Variants in ADAMTS18 observed in about 807,000 individuals in gnomAD.
The protein encoded by ADAMTS18 is A disintegrin and metalloproteinase with thrombospondin motifs 18.
Under a neutral mutation model 165.9 loss-of-function variants are expected in ADAMTS18, and 157 were observed. The ratio of observed to expected loss-of-function variants is 0.95; its 90% CI spans 0.83 to 1.08. The LOEUF is 1.08. Among genes scored for constraint, ADAMTS18 ranks in the 50% least tolerant of loss-of-function variants. The probability of loss-of-function intolerance (pLI) is 0.00; values close to 1 mark genes in which losing one functional copy is unlikely to be tolerated. For synonymous variants in ADAMTS18, 782 were observed against 578.2 expected, an observed-to-expected ratio of 1.35 and a Z score of -5.06; for missense variants, 2,040 against 1,534.0, an observed-to-expected ratio of 1.33 and a Z score of -5.51.
chr16:77,403,074 T>C (rs1000127293), intron 3 of ADAMTS18, among the ~76,000 whole-genome samples: 5 of 152,214 alleles, frequency 3.3e-5, no homozygotes, highest in African/African-American at 1.2e-4. Flanking sequence ...CATTTGTACT[T>C]GTGTTAATGC....
chr16:77,434,742 G>C lies in ADAMTS18; in HGVS notation c.-47C>G. The C allele has an allele frequency of 1.5e-6, 2 of 1,367,320 alleles. No individual in the cohort carries two copies. Among genetic ancestry groups the C allele is most frequent in the Non-Finnish European group, 1.9e-6 (2 of 1,056,244 alleles). The allele number at this position is 1,367,320 out of a possible 1,614,324, so 84.7% of individuals were successfully genotyped here. On this transcript the variant is annotated 5_prime_UTR_variant, in exon 1 of 23. Transcript: ENST00000282849. ...CTGCGGGTGGCCAGACGCGGCAGGC[G>C]GAGCGCACGGGCGGCGCGCATTCTT...
At chr16:77,380,562 A>G (rs909213155) in intron 3 of ADAMTS18, among the ~76,000 whole-genome samples, 4 of 152,228 alleles carry the variant, frequency 2.6e-5, no homozygotes, top group African/African-American at 9.6e-5. Flanking sequence ...TAATAGCAAA[A>G]TGGTTGATAT....
At chr16:77,376,637 A>G (rs2056957439) in intron 3 of ADAMTS18, among the ~76,000 whole-genome samples, 1 of 152,210 alleles carries the variant, frequency 6.6e-6, no homozygotes, top group Admixed American at 6.5e-5. Flanking sequence ...GAAGATACAG[A>G]AATTCCATTA....
chr16:77,433,358 G>T (rs1597270689), intron 2 of ADAMTS18: 1 of 152,284 alleles, frequency 6.6e-6, no homozygotes, highest in East Asian at 1.9e-4. Context: ...CCTGCTACCA[G>T]CTTGTTTCCA....
rs75484735 is a variant in ADAMTS18 at position 77,365,504 on chromosome 16, C to A, written c.779-1123G>T. Among the ~76,000 whole-genome samples, 909 of 152,308 alleles carry A rather than the reference C, an allele frequency of 6.0e-3. 17 individuals carry two copies. Among genetic ancestry groups the A allele is most frequent in the African/African-American group, 0.021 (872 of 41,560 alleles). On this transcript the variant is annotated intron_variant, in intron 4 of 22. Transcript: ENST00000282849. The stretch of plus-strand genomic sequence containing the variant: ...GACAATGACTTAGTTATTAGGGAAA[C>A]AGCATAGTTGGGGATGATATTAAAA...
At chr16:77,401,227 C>T (rs1039581108) in intron 3 of ADAMTS18, among the ~76,000 whole-genome samples, 1 of 152,126 alleles carries the variant, frequency 6.6e-6, no homozygotes, top group Non-Finnish European at 1.5e-5. Context: ...TCACTCCAGC[C>T]TGGGCAAAAC....
Position 77,363,787 on chromosome 16 carries a change from A to C in ADAMTS18, c.1056+15T>G, listed in dbSNP as rs775628345. ...GGCAGACTGAATGAAGACATAAATG[A>C]AGTTTGCCACTTACAGGTTCTTGTT... is the stretch of plus-strand genomic sequence containing the variant. On this transcript the variant is annotated intron_variant, in intron 6 of 22. Transcript: ENST00000282849. 6 of 1,611,066 alleles carry C rather than the reference A, an allele frequency of 3.7e-6. No individual in the cohort carries two copies. The Admixed American group carries it at 1.0e-4, about 27-fold the overall frequency.
chr16:77,345,413 CA>C (rs886529685), intron 10 of ADAMTS18, among the ~76,000 whole-genome samples: 1 of 152,142 alleles, frequency 6.6e-6, no homozygotes, highest in African/African-American at 2.4e-5. Flanking sequence ...AGAAAACCCC[CA>C]CCAGATCATG....
At chr16:77,414,766 A>T (rs17621123) in intron 3 of ADAMTS18, among the ~76,000 whole-genome samples, 1 of 152,280 alleles carries the variant, frequency 6.6e-6, no homozygotes, top group African/African-American at 2.4e-5. Context: ...AATGAACTGC[A>T]TATGAAGGTT....
Position 77,431,947 on chromosome 16 carries a change from G to C in ADAMTS18, c.179-336C>G, listed in dbSNP as rs568447016. 3.2e-4 allele frequency among the ~76,000 whole-genome samples: 49 copies of C among 152,160 alleles called. 1 individual carries two copies. Among genetic ancestry groups the C allele is most frequent in the African/African-American group, 1.2e-3 (49 of 41,498 alleles). ...ATGGTCTGGGCCTTTTATAATATTG[G>C]CCACAGAACCATTCATATATATAAA... On this transcript the variant is annotated intron_variant, in intron 2 of 22. Coordinates refer to ENST00000282849, the MANE Select transcript of ADAMTS18 (RefSeq NM_199355.4).
At chr16:77,367,298 G>C (rs2056809105) in intron 4 of ADAMTS18, 143 bp downstream of exon 4, 9 of 847,510 alleles carry the variant, frequency 1.1e-5, no homozygotes, top group Non-Finnish European at 1.7e-5. Flanking sequence ...ATTTGCCTGA[G>C]AGAGATAATT....
intron 14 of ADAMTS18, 111 bp downstream of exon 14, chr16:77,322,225 G>A (rs751282343): frequency 1.6e-5 from 20 of 1,263,914 alleles, no homozygotes; most frequent in Non-Finnish European, 2.0e-5. Flanking sequence ...TTCGCTCCAT[G>A]CCACCTGCTC....
At chr16:77,288,883 G>A (rs150209481) in intron 22 of ADAMTS18, among the ~76,000 whole-genome samples, 71 of 152,242 alleles carry the variant, frequency 4.7e-4, no homozygotes, top group African/African-American at 1.6e-3. Context: ...CCAGGAGTTC[G>A]AGATCAGCCT....
In ADAMTS18 at chr16:77,354,440, G is replaced by T. The variant is rs368918489; in HGVS notation, c.1461-554C>A. ...GAGGAATAATGAACTGGGGGATGAGGCAGAAAAATTTCCTTCAGATATGTT... is the reference window on the plus strand; with the variant it reads ...GAGGAATAATGAACTGGGGGATGAGTCAGAAAAATTTCCTTCAGATATGTT... On this transcript the variant is annotated intron_variant, in intron 9 of 22. Transcript: ENST00000282849. 7.6e-4 allele frequency among the ~76,000 whole-genome samples: 116 copies of T among 152,062 alleles called. 1 individual carries two copies. The South Asian group carries it at 0.02, about 26-fold the overall frequency.
intron 15 of ADAMTS18, 80 bp downstream of exon 15, chr16:77,320,999 A>T: frequency 1.9e-6 from 3 of 1,575,014 alleles, no homozygotes; most frequent in Non-Finnish European, 2.6e-6. Flanking sequence ...AAAAGGCTCA[A>T]CCACATTTGG....
At chr16:77,340,993 C>G (rs1318087567) in intron 11 of ADAMTS18, among the ~76,000 whole-genome samples, 1 of 152,176 alleles carries the variant, frequency 6.6e-6, no homozygotes, top group Non-Finnish European at 1.5e-5. Flanking sequence ...TTCATAGCTC[C>G]TCTTTGATTG....
rs184197561 is a variant in ADAMTS18 at position 77,432,781 on chromosome 16, A to C, written c.179-1170T>G. Among the ~76,000 whole-genome samples the C allele has an allele frequency of 2.7e-3, 414 of 152,132 alleles. 1 individual carries two copies. The highest frequency in any genetic ancestry group is 9.5e-3 in the African/African-American group (396 of 41,524). On this transcript the variant is annotated intron_variant, in intron 2 of 22. Transcript: ENST00000282849. Reference sequence around the variant, plus strand: ...TCCCCCTCCTCCAATAAAAAAAAAAAAACTAAGGAATAGTGGAGCCCCTGT... The same window carrying C: ...TCCCCCTCCTCCAATAAAAAAAAAACAACTAAGGAATAGTGGAGCCCCTGT...
At chr16:77,316,323 C>T (rs948426269) in intron 16 of ADAMTS18, among the ~76,000 whole-genome samples, 1 of 151,192 alleles carries the variant, frequency 6.6e-6, no homozygotes, top group Non-Finnish European at 1.5e-5. Context: ...AGTGCAATCT[C>T]GGCTCACTGC....
intron 13 of ADAMTS18, among the ~76,000 whole-genome samples, chr16:77,325,001 T>C (rs879314849): frequency 6.6e-6 from 1 of 152,216 alleles, no homozygotes; most frequent in Admixed American, 6.5e-5. Flanking sequence ...CTCTTTCGAT[T>C]TGGAGGCTCT....
Sources: allele counts gnomAD v4.1 joint callset (sites outside exome capture counted in the v4.1 genomes callset), GRCh38; gene constraint gnomAD v4.1.1; transcripts MANE v1.5; gene names NCBI Gene and HGNC (gene_info 2026-07-23, HGNC 2026-07-21).